TJP1: variants seen among roughly 807,000 people sequenced by gnomAD.
TJP1 encodes tight junction protein 1.
Under a neutral mutation model 194.2 loss-of-function variants are expected in TJP1, and 43 were observed. That is an observed-to-expected ratio of 0.22 (90% CI 0.17 to 0.29). TJP1 has a LOEUF of 0.29. Among genes scored for constraint, TJP1 ranks in the 10% least tolerant of loss-of-function variants. The probability of loss-of-function intolerance (pLI) is 1.00; values close to 1 mark genes in which losing one functional copy is unlikely to be tolerated. For missense variants in TJP1, 1,971 were observed against 2,185.7 expected (o/e 0.90, Z 1.96); for synonymous variants, 801 against 779.0 (o/e 1.03, Z -0.47).
intron 1 of TJP1, among the ~76,000 whole-genome samples, chr15:29,813,810 C>A (rs951356880): frequency 6.6e-6 from 1 of 152,206 alleles, no homozygotes; most frequent in Non-Finnish European, 1.5e-5. Flanking sequence ...CCTATCAGTA[C>A]AGAGATGTGT....
At chr15:29,734,488 CT>C (rs11398830) in intron 11 of TJP1, 106 bp from the exon 12 acceptor site, 9,332 of 548,558 alleles carry the variant, frequency 0.017, no homozygotes, top group South Asian at 0.022. Flanking sequence ...AATATCACAT[CT>C]TTTTTTTTTT....
At chr15:29,878,547 A>G (rs571635579) in intron 2 of TJP1, among the ~76,000 whole-genome samples, 58 of 152,230 alleles carry the variant, frequency 3.8e-4, no homozygotes, top group African/African-American at 1.3e-3. Flanking sequence ...CACAGCCCAT[A>G]GTTCAGTATA....
intron 2 of TJP1, among the ~76,000 whole-genome samples, chr15:29,943,162 A>T (rs1384249144): frequency 2.0e-5 from 3 of 152,208 alleles, no homozygotes; most frequent in Non-Finnish European, 4.4e-5. Flanking sequence ...TATGTGTAAG[A>T]GAGAGAGCGG....
At chr15:29,705,800 G>T in intron 25 of TJP1, 55 bp from the exon 26 acceptor site, 1 of 1,469,074 alleles carries the variant, frequency 6.8e-7, no homozygotes, top group Non-Finnish European at 9.5e-7. Flanking sequence ...CAGGTGCTTT[G>T]CTTTTACTAC....
intron 2 of TJP1, among the ~76,000 whole-genome samples, chr15:29,894,514 G>C (rs554759271): frequency 6.6e-6 from 1 of 152,212 alleles, no homozygotes; most frequent in African/African-American, 2.4e-5. Context: ...TATGAACATA[G>C]GTGTCTTGGC....
intron 2 of TJP1, among the ~76,000 whole-genome samples, chr15:29,904,837 G>T (rs2152207795): frequency 6.6e-6 from 1 of 152,312 alleles, no homozygotes; most frequent in South Asian, 2.1e-4. Flanking sequence ...CCTATAAGAA[G>T]AGGAGAGGAC....
At chr15:29,747,584 A>G (rs2151400883) in intron 8 of TJP1, among the ~76,000 whole-genome samples, 1 of 152,350 alleles carries the variant, frequency 6.6e-6, no homozygotes, top group Non-Finnish European at 1.5e-5. Flanking sequence ...CAAAATTTTA[A>G]TAGTTCTACA....
At chr15:29,912,358 G>A (rs1033228118) in intron 2 of TJP1, among the ~76,000 whole-genome samples, 1 of 152,154 alleles carries the variant, frequency 6.6e-6, no homozygotes, top group African/African-American at 2.4e-5. Flanking sequence ...CAAATATTAG[G>A]TAGAACCACA....
intron 1 of TJP1, among the ~76,000 whole-genome samples, chr15:29,962,629 C>T (rs2056199941): frequency 6.6e-6 from 1 of 152,152 alleles, no homozygotes; most frequent in African/African-American, 2.4e-5. Context: ...AGCCAAGGAG[C>T]TGTGAGACAC....
intron 4 of TJP1, among the ~76,000 whole-genome samples, chr15:29,771,453 T>C (rs2046670507): frequency 6.6e-6 from 1 of 152,110 alleles, no homozygotes; most frequent in Non-Finnish European, 1.5e-5. Flanking sequence ...GACCAAAACA[T>C]TGTCATGTAG....
chr15:29,704,780 T>C (rs2041786353), intron 26 of TJP1, among the ~76,000 whole-genome samples: 1 of 152,170 alleles, frequency 6.6e-6, no homozygotes, highest in Non-Finnish European at 1.5e-5. Flanking sequence ...TTTCAAAATG[T>C]TTTGTTTGCT....
chr15:29,797,605 A>C (rs570368195), intron 2 of TJP1, among the ~76,000 whole-genome samples: 1 of 152,166 alleles, frequency 6.6e-6, no homozygotes, highest in South Asian at 2.1e-4. Flanking sequence ...AAAAAATCTC[A>C]AAACTCAGTA....
chr15:29,958,708 G>A (rs981189482), intron 1 of TJP1, among the ~76,000 whole-genome samples: 1 of 151,976 alleles, frequency 6.6e-6, no homozygotes, highest in African/African-American at 2.4e-5. Context: ...AACACCTAGG[G>A]CTCATGAGTA....
chr15:29,857,766 G>T (rs1277297806), intron 2 of TJP1, among the ~76,000 whole-genome samples: 1 of 151,954 alleles, frequency 6.6e-6, no homozygotes, highest in Non-Finnish European at 1.5e-5. Flanking sequence ...TATTTAAAAT[G>T]ACTCCATTTT....
intron 18 of TJP1, among the ~76,000 whole-genome samples, chr15:29,722,241 T>C (rs928894480): frequency 4.6e-5 from 7 of 152,180 alleles, no homozygotes; most frequent in East Asian, 3.9e-4. Context: ...CGGCAGCCCC[T>C]CCCATCACAA....
chr15:29,905,737 G>T (rs1011603029), intron 2 of TJP1, among the ~76,000 whole-genome samples: 1 of 152,124 alleles, frequency 6.6e-6, no homozygotes, highest in Non-Finnish European at 1.5e-5. Context: ...AATTAAATAC[G>T]TATTTGGTTT....
chr15:29,744,308 G>C (rs1287848647), intron 8 of TJP1, among the ~76,000 whole-genome samples: 2 of 152,136 alleles, frequency 1.3e-5, no homozygotes, highest in Non-Finnish European at 2.9e-5. Context: ...AGGCAAAATG[G>C]AAATTATCAA....
At chr15:29,859,571 T>C (rs985593611) in intron 2 of TJP1, among the ~76,000 whole-genome samples, 3 of 151,796 alleles carry the variant, frequency 2.0e-5, no homozygotes, top group Non-Finnish European at 4.4e-5. Context: ...CACCCACAGC[T>C]CCTGTCAGGA....
At position 29,732,665 on chromosome 15, in the gene TJP1, CTTTG is replaced by C; in HGVS notation, c.1883_1886del (p.Thr628SerfsTer16). The C allele has an allele frequency of 6.2e-7, 1 of 1,614,076 alleles. No homozygotes were observed. Among genetic ancestry groups the C allele is most frequent in the Non-Finnish European group, 8.5e-7 (1 of 1,180,016 alleles). ...GAACCACTCTTTCATAAGCTGGAAACTTTGTTTGAACAGGCTGAGCGGACAAATC... is the reference window on the plus strand; with the variant it reads ...GAACCACTCTTTCATAAGCTGGAAACTTTGAACAGGCTGAGCGGACAAATC... On this transcript the variant is annotated frameshift_variant, in exon 14 of 28. Coordinates refer to ENST00000614355, the MANE Select transcript of TJP1 (RefSeq NM_001330239.4). LOFTEE classifies it high-confidence loss of function.
Sources: gnomAD v4.1 joint callset for allele counts (sites outside exome capture counted in the v4.1 genomes callset) on GRCh38, gnomAD v4.1.1 for gene constraint, MANE v1.5 for transcripts, NCBI Gene and HGNC (gene_info 2026-07-23, HGNC 2026-07-21) for gene names.